The following WWP1 variants were observed in gnomAD, a reference collection of about 807,000 sequenced individuals.
WWP1 encodes the protein WW domain containing E3 ubiquitin protein ligase 1.
WWP1 carries 49 observed loss-of-function variants against 130.6 expected under a neutral mutation model. That is an observed-to-expected ratio of 0.38 (90% confidence interval 0.30 to 0.48). WWP1 has a LOEUF of 0.48. Ranked by LOEUF, WWP1 falls within the 20% of genes least tolerant of loss-of-function variation. The pLI is 0.99. For missense variants in WWP1, 809 were observed against 1,100.6 expected (o/e 0.74, Z 3.75); for synonymous variants, 332 against 367.8 (o/e 0.90, Z 1.11).
chr8:86,398,528 A>C, intron 6 of WWP1, 44 bp from the exon 7 acceptor site: 1 of 1,611,518 alleles, frequency 6.2e-7, no homozygotes, highest in South Asian at 1.1e-5. Flanking sequence ...AAGAATAAGC[A>C]AGAAGTATAT....
chr8:86,429,291 A>C (rs1809805722), intron 11 of WWP1, among the ~76,000 whole-genome samples: 1 of 152,124 alleles, frequency 6.6e-6, no homozygotes, highest in Non-Finnish European at 1.5e-5. Context: ...TGGTCACTCT[A>C]CCAACTCAGC....
intron 18 of WWP1, 58 bp downstream of exon 18, chr8:86,442,836 G>A (rs1242158700): frequency 4.3e-6 from 6 of 1,396,956 alleles, no homozygotes; most frequent in Non-Finnish European, 5.6e-6. Flanking sequence ...ATTAGAGAAG[G>A]CTTTTAAAAA....
Position 86,431,488 on chromosome 8 carries a change from A to C in WWP1, c.1470A>C (p.Gln490His). ...CCCAGTGGGAAGATCCAAGAACTCA[A>C]GGGTATGTATATACAGCAGCCTTAA... is the stretch of plus-strand genomic sequence containing the variant. ...KTTQWEDPRTQGLQNEEPLPE... is the reference protein window; with the variant it reads ...KTTQWEDPRTHGLQNEEPLPE... The change falls in exon 13 of 25, where the codon CAA becomes CAC. Residue 490 changes from glutamine (Q) to histidine (H), a missense_variant and splice_region_variant. This residue lies in a region of WWP1 where 450 missense variants were observed against 674.2 expected (regional missense o/e 0.67). Coordinates refer to ENST00000517970, the MANE Select transcript of WWP1 (RefSeq NM_007013.4). 1 of 1,612,040 alleles carries C rather than the reference A, an allele frequency of 6.2e-7. No homozygotes were observed. The highest frequency in any genetic ancestry group is 8.5e-7 in the Non-Finnish European group (1 of 1,178,896).
Position 86,433,779 on chromosome 8 carries a change from G to A in WWP1, c.1602-1673G>A, listed in dbSNP as rs1013818269. Among the ~76,000 whole-genome samples the A allele has an allele frequency of 3.3e-4, 50 of 152,258 alleles. 1 individual carries two copies. Among genetic ancestry groups the A allele is most frequent in the Non-Finnish European group, 2.5e-4 (17 of 68,022 alleles). On this transcript the variant is annotated intron_variant, in intron 14 of 24. Transcript: ENST00000517970. ...GCCAACATGGTAAAATTAGCTGGGCGTGATGGCGTGTGCCTGTAATCCCAG... is the reference window on the plus strand; with the variant it reads ...GCCAACATGGTAAAATTAGCTGGGCATGATGGCGTGTGCCTGTAATCCCAG...
chr8:86,372,125 G>A (rs1427127383), intron 2 of WWP1, among the ~76,000 whole-genome samples: 2 of 141,502 alleles, frequency 1.4e-5, no homozygotes, highest in East Asian at 4.2e-4. Context: ...CCGGGTTCAC[G>A]CCATTCTCCT....
At position 86,380,876 on chromosome 8, in the gene WWP1, G is replaced by C; in HGVS notation, c.209+12G>C. ...GAACAGCTAACTGTGTAAGTACCTT[G>C]TGTAAAGGACGGAAAATCTTCACAA... On this transcript the variant is annotated intron_variant, in intron 4 of 24. Coordinates refer to ENST00000517970, the MANE Select transcript of WWP1 (RefSeq NM_007013.4). 2 of 1,573,596 alleles carry C rather than the reference G, an allele frequency of 1.3e-6. No individual in the cohort carries two copies. Among genetic ancestry groups the C allele is most frequent in the Non-Finnish European group, 1.7e-6 (2 of 1,164,526 alleles).
rs1812231505 is a variant in WWP1, at chr8:86,467,360, A to C, written c.*467A>C. The C allele has an allele frequency of 6.6e-6, 1 of 152,644 alleles. No homozygotes were observed. Among genetic ancestry groups the C allele is most frequent in the African/African-American group, 2.4e-5 (1 of 41,404 alleles). The allele number at this position is 152,644 out of a possible 1,614,324, so 9.5% of individuals were successfully genotyped here. On this transcript the variant is annotated 3_prime_UTR_variant, in exon 25 of 25. Coordinates refer to ENST00000517970, the MANE Select transcript of WWP1 (RefSeq NM_007013.4). ...TAGTTGCATGGCTGTTCAGAAAGGT[A>C]TTAAGGGCTTAGGCCAAATCTTACT...
chr8:86,412,698 G>GT (rs200861665), intron 9 of WWP1, among the ~76,000 whole-genome samples: 8 of 68,796 alleles, frequency 1.2e-4, no homozygotes, highest in East Asian at 5.1e-4. Context: ...AGTGTACGTT[G>GT]GTTTTTTTTT....
At chr8:86,392,896 G>A (rs897617901) in intron 5 of WWP1, among the ~76,000 whole-genome samples, 1 of 152,092 alleles carries the variant, frequency 6.6e-6, no homozygotes, top group African/African-American at 2.4e-5. Flanking sequence ...GGAATGAAAA[G>A]TTTTCTGGAA....
At chr8:86,461,994 A>G (rs1410762450) in intron 24 of WWP1, 148 bp downstream of exon 24, 4 of 644,412 alleles carry the variant, frequency 6.2e-6, no homozygotes, top group East Asian at 2.7e-5. Flanking sequence ...ACAGCATTCT[A>G]TAACTGAACA....
At chr8:86,363,726 G>A (rs1823801800) in intron 1 of WWP1, among the ~76,000 whole-genome samples, 1 of 149,726 alleles carries the variant, frequency 6.7e-6, no homozygotes, top group Non-Finnish European at 1.5e-5. Flanking sequence ...AACCTGGGAG[G>A]CAGAGGTTGC....
intron 5 of WWP1, among the ~76,000 whole-genome samples, chr8:86,388,850 A>T (rs573308365): frequency 1.3e-5 from 2 of 152,240 alleles, no homozygotes; most frequent in South Asian, 4.1e-4. Context: ...CAGTCTTTTA[A>T]ATCAGACCTG....
chr8:86,392,735 A>G (rs924713476), intron 5 of WWP1, among the ~76,000 whole-genome samples: 3 of 151,482 alleles, frequency 2.0e-5, no homozygotes, highest in African/African-American at 7.2e-5. Context: ...ACTAAGACAA[A>G]TTTTGTTTTA....
intron 9 of WWP1, among the ~76,000 whole-genome samples, chr8:86,413,477 A>G (rs577978787): frequency 9.8e-4 from 149 of 152,320 alleles, no homozygotes; most frequent in African/African-American, 3.3e-3. Context: ...ATGACAAGGA[A>G]TACATGCAGA....
At position 86,380,778 on chromosome 8, in the gene WWP1, T is replaced by C; in HGVS notation, c.123T>C (p.Tyr41=). 1.2e-6 allele frequency: 2 copies of C among 1,613,194 alleles called. No individual in the cohort carries two copies. Among genetic ancestry groups the C allele is most frequent in the Non-Finnish European group, 1.7e-6 (2 of 1,179,658 alleles). The change falls in exon 4 of 25, where the codon TAT becomes TAC. Residue 41 remains tyrosine (Y), a synonymous_variant. Coordinates refer to ENST00000517970, the MANE Select transcript of WWP1 (RefSeq NM_007013.4). ...RKKNWFGTAI[Y]TEVVVDGEIT... ...AGAACTGGTTCGGAACAGCAATATA[T>C]ACAGAAGTAGTTGTAGATGGAGAAA...
intron 9 of WWP1, among the ~76,000 whole-genome samples, chr8:86,419,874 C>G (rs1809102344): frequency 1.3e-5 from 2 of 152,160 alleles, no homozygotes; most frequent in African/African-American, 4.8e-5. Flanking sequence ...AGAATGGCAT[C>G]AGATTTCCTA....
At chr8:86,434,363 T>TAG (rs1810167881) in intron 14 of WWP1, among the ~76,000 whole-genome samples, 1 of 152,202 alleles carries the variant, frequency 6.6e-6, no homozygotes. Flanking sequence ...CATTGGACGC[T>TAG]AGCTGTGCCT....
At chr8:86,369,498 T>G (rs1824162848) in intron 2 of WWP1, among the ~76,000 whole-genome samples, 1 of 151,972 alleles carries the variant, frequency 6.6e-6, no homozygotes, top group African/African-American at 2.4e-5. Context: ...AGATTGGGGG[T>G]GGGGATCAGG....
chr8:86,400,713 A>G (rs543900189), intron 7 of WWP1, among the ~76,000 whole-genome samples: 1 of 152,360 alleles, frequency 6.6e-6, no homozygotes, highest in South Asian at 2.1e-4. Flanking sequence ...AATAATTTGT[A>G]ATAAACATTT....
Sources: allele counts gnomAD v4.1 joint callset (sites outside exome capture counted in the v4.1 genomes callset), GRCh38; gene constraint gnomAD v4.1.1; regional missense constraint gnomAD v4.1.1; transcripts MANE v1.5; gene names NCBI Gene and HGNC (gene_info 2026-07-23, HGNC 2026-07-21).